Variants in CHLSN observed in about 807,000 individuals in gnomAD.
CHLSN encodes the protein cholesin.
the CHLSN span, among the ~76,000 whole-genome samples, chr7:1,023,624 AACACACACACACAC>A: frequency 0.064 from 7,824 of 122,288 alleles, 291 homozygotes; most frequent in Middle Eastern, 0.098. The surrounding 1 kb of genome is among the most constrained non-coding windows in gnomAD (Gnocchi z 5.0). Context: ...CCTCCCAGGA[AACACACACACACAC>A]ACACACACAC....
chr7:985,139 C>A, the CHLSN span: 1 of 1,601,686 alleles, frequency 6.2e-7, no homozygotes, highest in South Asian at 1.1e-5. Context: ...CGGGCCTGGA[C>A]GTGCCTGAGG....
At chr7:1,083,059 G>C in the CHLSN span, among the ~76,000 whole-genome samples, 1 of 152,198 alleles carries the variant, frequency 6.6e-6, no homozygotes, top group African/African-American at 2.4e-5. Context: ...CCTGGGGGCG[G>C]AGGGTCCCCC....
chr7:1,070,910 ACACACACAGCACGCACAGACACG>A, the CHLSN span, among the ~76,000 whole-genome samples: 1 of 115,922 alleles, frequency 8.6e-6, no homozygotes, highest in Admixed American at 8.4e-5. Flanking sequence ...ACATGCACGC[ACACACACAGCACGCACAGACACG>A]CACACATGCA....
At chr7:1,070,478 C>T in the CHLSN span, among the ~76,000 whole-genome samples, 8 of 151,660 alleles carry the variant, frequency 5.3e-5, no homozygotes, top group South Asian at 2.1e-4. Flanking sequence ...CACGCACATA[C>T]GCACACGGGC....
At chr7:1,047,144 C>T in the CHLSN span, among the ~76,000 whole-genome samples, 1 of 152,314 alleles carries the variant, frequency 6.6e-6, no homozygotes, top group Non-Finnish European at 1.5e-5. Flanking sequence ...GCCAAGTAAA[C>T]AAAAGAATGC....
the CHLSN span, among the ~76,000 whole-genome samples, chr7:1,039,398 C>A: frequency 1.5e-5 from 1 of 65,796 alleles, no homozygotes; most frequent in Non-Finnish European, 3.2e-5. Flanking sequence ...CCAGCCGCCC[C>A]GTCCGGGAGG....
the CHLSN span, among the ~76,000 whole-genome samples, chr7:1,016,572 TACACAGCAGC>T: frequency 6.2e-5 from 3 of 48,024 alleles, no homozygotes; most frequent in African/African-American, 8.6e-5. Context: ...CGCACACCAG[TACACAGCAGC>T]ACACAGCACC....
At chr7:1,085,665 T>G in the CHLSN span, among the ~76,000 whole-genome samples, 3 of 145,432 alleles carry the variant, frequency 2.1e-5, no homozygotes, top group Non-Finnish European at 4.5e-5. Context: ...AGACCTTATC[T>G]CTACAAAAAA....
the CHLSN span, among the ~76,000 whole-genome samples, chr7:1,126,311 G>C: frequency 7.7e-6 from 1 of 130,438 alleles, no homozygotes; most frequent in African/African-American, 2.9e-5. Context: ...AGTGAGCCAA[G>C]ATGGCGCCAC....
the CHLSN span, chr7:987,187 G>T: frequency 6.4e-7 from 1 of 1,557,180 alleles, no homozygotes; most frequent in Non-Finnish European, 8.7e-7. Flanking sequence ...GGACGGAGAC[G>T]ACCTCGGCCA....
At chr7:1,007,562 T>A in the CHLSN span, among the ~76,000 whole-genome samples, 3 of 151,916 alleles carry the variant, frequency 2.0e-5, no homozygotes, top group Admixed American at 6.5e-5. Context: ...GCGGGCACCC[T>A]TGGAGACCCC....
the CHLSN span, among the ~76,000 whole-genome samples, chr7:1,126,508 G>A: frequency 2.6e-5 from 4 of 151,878 alleles, no homozygotes; most frequent in African/African-American, 7.3e-5. Context: ...GGTGAAACCC[G>A]GTCTCTATCA....
the CHLSN span, among the ~76,000 whole-genome samples, chr7:1,096,907 CCTT>C: frequency 6.6e-6 from 1 of 152,162 alleles, no homozygotes. The surrounding 1 kb of genome is among the most constrained non-coding windows in gnomAD (Gnocchi z 4.6). Context: ...TACAAAGAAA[CCTT>C]CTTAGGAGGG....
chr7:1,016,662 CGCACAG>C, the CHLSN span, among the ~76,000 whole-genome samples: 523 of 58,504 alleles, frequency 8.9e-3, 30 homozygotes, highest in African/African-American at 0.04. Flanking sequence ...CACACAGCAG[CGCACAG>C]CAGCACACGC....
At chr7:1,107,456 G>A in the CHLSN span, among the ~76,000 whole-genome samples, 1 of 152,188 alleles carries the variant, frequency 6.6e-6, no homozygotes, top group Non-Finnish European at 1.5e-5. Context: ...GAAGCTGGTA[G>A]CTTCTTCCCA....
At chr7:980,778 C>G in the CHLSN span, among the ~76,000 whole-genome samples, 2 of 151,322 alleles carry the variant, frequency 1.3e-5, no homozygotes, top group African/African-American at 4.9e-5. Flanking sequence ...AGCTCCGCCT[C>G]CCGGGTTCAC....
the CHLSN span, chr7:1,028,487 G>C: frequency 3.5e-5 from 34 of 985,442 alleles, no homozygotes; most frequent in East Asian, 3.5e-3. Context: ...GCGGGGCCTC[G>C]GCGCTGAGAA....
the CHLSN span, among the ~76,000 whole-genome samples, chr7:1,042,288 A>G: frequency 6.6e-6 from 1 of 152,228 alleles, no homozygotes; most frequent in East Asian, 1.9e-4. Context: ...ACTGCCCTCA[A>G]ACACCCTCAG....
At chr7:1,016,698 C>CCAGCGCACAGCAGCGCACAG in the CHLSN span, among the ~76,000 whole-genome samples, 1 of 69,896 alleles carries the variant, frequency 1.4e-5, no homozygotes, top group South Asian at 3.8e-4. Context: ...GCAGCGCATG[C>CCAGCGCACAGCAGCGCACAG]CAGCACACGC....
Sources: allele counts gnomAD v4.1 joint callset (sites outside exome capture counted in the v4.1 genomes callset), GRCh38; gene constraint gnomAD v4.1.1; non-coding constraint Gnocchi (gnomAD v3.1); transcripts MANE v1.5; gene names NCBI Gene and HGNC (gene_info 2026-07-23, HGNC 2026-07-21).